Variants in WSCD2 observed in about 807,000 individuals in gnomAD.
WSCD2 encodes WSC domain sialate O sulfotransferase 2.
A neutral mutation model predicts 55.7 loss-of-function variants in WSCD2; 28 were observed. The observed-to-expected ratio is 0.50, with a 90% CI of 0.37 to 0.69. WSCD2 has a LOEUF of 0.69. Among genes scored for constraint, WSCD2 ranks in the 30% least tolerant of loss-of-function variants. The pLI is 0.00. For missense variants in WSCD2, 616 were observed against 762.1 expected (o/e 0.81, Z 2.26); for synonymous variants, 301 against 301.9 (o/e 1.00, Z 0.03).
At chr12:108,191,864 G>A (rs1374351245) in intron 1 of WSCD2, among the ~76,000 whole-genome samples, 2 of 152,078 alleles carry the variant, frequency 1.3e-5, no homozygotes, top group Non-Finnish European at 2.9e-5. Context: ...CTCTCCACAC[G>A]GTCCACATCC....
chr12:108,248,667 A>T lies in WSCD2; in HGVS notation c.*324A>T. ...GTTCCATTTGTGGGAGGGAGGGCTC[A>T]TCCACATCATGGAGACTTGCTGGAT... On this transcript the variant is annotated 3_prime_UTR_variant, in exon 9 of 9. Coordinates refer to ENST00000547525, the MANE Select transcript of WSCD2 (RefSeq NM_014653.4). This position sits in a 1 kb window ranked among gnomAD's most constrained non-coding sequence, Gnocchi z 4.3. 3 of 1,085,516 alleles carry T rather than the reference A, an allele frequency of 2.8e-6. No homozygotes were observed. The highest frequency in any genetic ancestry group is 3.4e-6 in the Non-Finnish European group (3 of 890,898). 67.2% of individuals were successfully genotyped at this position (1,085,516 alleles called of 1,614,324 possible). A position where few individuals can be genotyped will look rare whatever the true frequency, so the allele number is the denominator to read the frequency against.
chr12:108,159,323 C>CAG (rs1878837783), intron 1 of WSCD2, among the ~76,000 whole-genome samples: 1 of 152,220 alleles, frequency 6.6e-6, no homozygotes, highest in South Asian at 2.1e-4. Flanking sequence ...ACACCATACT[C>CAG]AGTCCTAAGC....
intron 2 of WSCD2, among the ~76,000 whole-genome samples, chr12:108,199,420 C>T (rs534467041): frequency 5.9e-5 from 9 of 152,230 alleles, no homozygotes; most frequent in African/African-American, 1.9e-4. Flanking sequence ...CTACCATGTG[C>T]CAGTCATTTA....
At chr12:108,240,026 C>G (rs142502936) in intron 7 of WSCD2, among the ~76,000 whole-genome samples, 2,943 of 152,236 alleles carry the variant, frequency 0.019, 46 homozygotes, top group Non-Finnish European at 0.028. Context: ...TAGCTAGCAC[C>G]CAAGCATTAA....
At chr12:108,154,716 T>G (rs1458754846) in intron 1 of WSCD2, among the ~76,000 whole-genome samples, 1 of 152,166 alleles carries the variant, frequency 6.6e-6, no homozygotes, top group Non-Finnish European at 1.5e-5. Flanking sequence ...TTAACATTTC[T>G]TTTTCGGATT....
intron 6 of WSCD2, among the ~76,000 whole-genome samples, chr12:108,231,620 A>C (rs1450585840): frequency 1.3e-5 from 2 of 152,186 alleles, no homozygotes; most frequent in Non-Finnish European, 2.9e-5. Flanking sequence ...CAATCCTTAC[A>C]AGAGCCCTAC....
chr12:108,133,005 G>C (rs1314104996), intron 1 of WSCD2, among the ~76,000 whole-genome samples: 2 of 152,168 alleles, frequency 1.3e-5, no homozygotes, highest in African/African-American at 2.4e-5. Flanking sequence ...GTGTGTTTCT[G>C]AACGTGTGTA....
intron 8 of WSCD2, among the ~76,000 whole-genome samples, chr12:108,243,001 AG>A (rs1252074693): frequency 6.6e-6 from 1 of 152,218 alleles, no homozygotes; most frequent in East Asian, 1.9e-4. Context: ...CAGGCATGCA[AG>A]GGCTCTGGTA....
intron 7 of WSCD2, among the ~76,000 whole-genome samples, chr12:108,239,005 C>T (rs1889494280): frequency 6.6e-6 from 1 of 152,204 alleles, no homozygotes; most frequent in South Asian, 2.1e-4. Context: ...AGACTAGTCT[C>T]CAGCTGCACA....
At chr12:108,148,311 C>T (rs1181211040) in intron 1 of WSCD2, among the ~76,000 whole-genome samples, 1 of 152,202 alleles carries the variant, frequency 6.6e-6, no homozygotes, top group African/African-American at 2.4e-5. Flanking sequence ...AACCGCTGCA[C>T]ACAAAGCCTG....
At chr12:108,247,201 G>A (rs962097682) in intron 8 of WSCD2, among the ~76,000 whole-genome samples, 19 of 151,670 alleles carry the variant, frequency 1.3e-4, no homozygotes, top group Admixed American at 5.3e-4. Flanking sequence ...TCTGTGCCTC[G>A]GTTTTCTCTT....
intron 1 of WSCD2, among the ~76,000 whole-genome samples, chr12:108,139,077 A>G (rs733039): frequency 0.028 from 4,299 of 152,266 alleles, 195 homozygotes; most frequent in African/African-American, 0.096. Context: ...GCTTAGCACC[A>G]TCAGATGGGT....
At chr12:108,159,454 G>A (rs934872734) in intron 1 of WSCD2, among the ~76,000 whole-genome samples, 1 of 152,184 alleles carries the variant, frequency 6.6e-6, no homozygotes, top group African/African-American at 2.4e-5. Context: ...CTAAGCTGGG[G>A]CTCCACAGTA....
chr12:108,162,967 C>T (rs1314872967), intron 1 of WSCD2, among the ~76,000 whole-genome samples: 2 of 152,170 alleles, frequency 1.3e-5, no homozygotes, highest in Non-Finnish European at 2.9e-5. Flanking sequence ...ACTTACTCCT[C>T]ACAAAAACCT....
At chr12:108,150,995 C>A (rs1877941405) in intron 1 of WSCD2, among the ~76,000 whole-genome samples, 1 of 152,026 alleles carries the variant, frequency 6.6e-6, no homozygotes, top group South Asian at 2.1e-4. Context: ...AGCCCACGCC[C>A]TGGCCCCTTG....
chr12:108,224,816 C>G lies in WSCD2; in HGVS notation c.760C>G (p.Leu254Val). 1 of 1,613,778 alleles carries G rather than the reference C, an allele frequency of 6.2e-7. No homozygotes were observed. Among genetic ancestry groups the G allele is most frequent in the African/African-American group, 1.3e-5 (1 of 75,080 alleles). Residue 254 changes from leucine (L) to valine (V), a missense_variant, in exon 5 of 9, where the codon CTG (leucine) becomes GTG (valine). Leu to Val is a conservative substitution (Grantham distance 32). This residue lies in a region of WSCD2 where 374 missense variants were observed against 467.4 expected (regional missense o/e 0.80). Coordinates refer to ENST00000547525, the MANE Select transcript of WSCD2 (RefSeq NM_014653.4). ...SLALPVTAAM[L>V]NMSVDKCVDF... ...GGCCTTACCCGTGACAGCTGCCATG[C>G]TGAACATGTCTGTGGACAAATGCGT...
chr12:108,151,710 C>T (rs1363906905), intron 1 of WSCD2, among the ~76,000 whole-genome samples: 3 of 152,212 alleles, frequency 2.0e-5, no homozygotes, highest in African/African-American at 7.2e-5. Context: ...TGATTAACCA[C>T]ACACTCACTG....
At chr12:108,133,421 G>A (rs974608043) in intron 1 of WSCD2, among the ~76,000 whole-genome samples, 8 of 152,114 alleles carry the variant, frequency 5.3e-5, no homozygotes, top group Admixed American at 2.6e-4. Flanking sequence ...GTACAGCAGT[G>A]TAACTTTTGT....
intron 1 of WSCD2, among the ~76,000 whole-genome samples, chr12:108,161,489 A>G (rs1879049668): frequency 6.6e-6 from 1 of 152,180 alleles, no homozygotes; most frequent in Non-Finnish European, 1.5e-5. Context: ...TCGTATTTCT[A>G]TGAGCCAAGA....
Sources: allele counts gnomAD v4.1 joint callset (sites outside exome capture counted in the v4.1 genomes callset), GRCh38; gene constraint gnomAD v4.1.1; regional missense constraint gnomAD v4.1.1; non-coding constraint Gnocchi (gnomAD v3.1); transcripts MANE v1.5; gene names NCBI Gene and HGNC (gene_info 2026-07-23, HGNC 2026-07-21).